The following MAGI1 variants were observed in gnomAD, a reference collection of about 807,000 sequenced individuals.
MAGI1 encodes the protein membrane associated guanylate kinase, WW and PDZ domain containing 1.
MAGI1 carries 58 observed loss-of-function variants against 139.9 expected under a neutral mutation model. The observed-to-expected ratio is 0.41, with a 90% CI of 0.34 to 0.52. The LOEUF (loss-of-function observed/expected upper bound fraction) is 0.52. Among genes scored for constraint, MAGI1 ranks in the 20% least tolerant of loss-of-function variants. The probability of loss-of-function intolerance (pLI) is 0.12; values close to 1 mark genes in which losing one functional copy is unlikely to be tolerated. For missense variants in MAGI1, 1,874 were observed against 1,901.6 expected, an observed-to-expected ratio of 0.99 and a Z score of 0.27; for synonymous variants, 812 against 737.9, an observed-to-expected ratio of 1.10 and a Z score of -1.63.
Position 65,661,585 on chromosome 3 carries a change from G to A in MAGI1, c.314-39497C>T, listed in dbSNP as rs149926241. On this transcript the variant is annotated intron_variant, in intron 1 of 22. Coordinates refer to ENST00000402939, the MANE Select transcript of MAGI1 (RefSeq NM_001033057.2). The stretch of plus-strand genomic sequence containing the variant: ...AGACACCTTGAGCAAGCCACTTCTT[G>A]TTTCTAAGCCTCAGTTTCCTCATTT... 1.9e-4 allele frequency among the ~76,000 whole-genome samples: 29 copies of A among 152,156 alleles called. No individual in the cohort carries two copies. In the East Asian group the frequency reaches 5.4e-3, roughly 28 times the overall value.
At chr3:65,473,128 G>A (rs191986879) in intron 4 of MAGI1, among the ~76,000 whole-genome samples, 61 of 152,302 alleles carry the variant, frequency 4.0e-4, no homozygotes, top group African/African-American at 1.5e-3. Context: ...GTGAGCCATA[G>A]TAGGTAGTTG....
chr3:65,456,686 A>G (rs569521740), intron 5 of MAGI1, among the ~76,000 whole-genome samples: 155 of 152,098 alleles, frequency 1.0e-3, no homozygotes, highest in Middle Eastern at 3.4e-3. Context: ...TTTGGGGTTA[A>G]TTTTTTGGTA....
chr3:65,733,018 G>T (rs1488740464), intron 1 of MAGI1, among the ~76,000 whole-genome samples: 1 of 152,066 alleles, frequency 6.6e-6, no homozygotes, highest in Non-Finnish European at 1.5e-5. Context: ...AGGGTTCCAA[G>T]ATCACTTGTT....
At chr3:65,473,070 TG>T (rs1196515671) in intron 4 of MAGI1, among the ~76,000 whole-genome samples, 1 of 152,048 alleles carries the variant, frequency 6.6e-6, no homozygotes, top group Non-Finnish European at 1.5e-5. Context: ...CACGGGGTTG[TG>T]GGGAGGATTA....
At chr3:65,824,826 T>C (rs190116426) in intron 1 of MAGI1, among the ~76,000 whole-genome samples, 1 of 152,348 alleles carries the variant, frequency 6.6e-6, no homozygotes, top group Admixed American at 6.5e-5. Flanking sequence ...AATATCTCTT[T>C]ACTGAAAAAT....
chr3:65,379,197 G>C, intron 17 of MAGI1, 64 bp downstream of exon 17: 1 of 1,602,808 alleles, frequency 6.2e-7, no homozygotes, highest in Non-Finnish European at 8.5e-7. Flanking sequence ...GCTTTCACTC[G>C]CAAGAGAACA....
chr3:65,620,091 A>G (rs2083586523), intron 2 of MAGI1: 1 of 564,600 alleles, frequency 1.8e-6, no homozygotes, highest in African/African-American at 2.0e-5. Flanking sequence ...TAAATGGGAG[A>G]GCATGCCAAA....
intron 4 of MAGI1, among the ~76,000 whole-genome samples, chr3:65,473,931 G>C (rs1377850334): frequency 7.2e-5 from 11 of 152,164 alleles, no homozygotes; most frequent in Non-Finnish European, 1.5e-5. Flanking sequence ...AGAATTCACA[G>C]CCTTAGTCAT....
chr3:65,697,404 A>T (rs1300549017), intron 1 of MAGI1, among the ~76,000 whole-genome samples: 2 of 147,904 alleles, frequency 1.4e-5, no homozygotes, highest in African/African-American at 2.5e-5. Context: ...TACCAAAGCC[A>T]GGCAGAGACA....
intron 1 of MAGI1, among the ~76,000 whole-genome samples, chr3:65,718,119 G>A (rs1030507462): frequency 6.6e-6 from 1 of 152,108 alleles, no homozygotes; most frequent in African/African-American, 2.4e-5. Flanking sequence ...TCCTGATAAG[G>A]TGTTCTACAA....
chr3:65,991,008 G>C (rs11131043), intron 1 of MAGI1, among the ~76,000 whole-genome samples: 1 of 151,814 alleles, frequency 6.6e-6, no homozygotes, highest in Non-Finnish European at 1.5e-5. Flanking sequence ...AGTAAATGAG[G>C]CTGGGCACGG....
At chr3:65,835,311 G>A (rs956968921) in intron 1 of MAGI1, among the ~76,000 whole-genome samples, 1 of 152,020 alleles carries the variant, frequency 6.6e-6, no homozygotes, top group East Asian at 1.9e-4. Flanking sequence ...TTCACATCAA[G>A]GAAACAAGAA....
At chr3:65,437,108 G>C in intron 10 of MAGI1, 47 bp downstream of exon 10, 1 of 1,344,674 alleles carries the variant, frequency 7.4e-7, no homozygotes, top group Non-Finnish European at 1.0e-6. Flanking sequence ...AAAAAAATTA[G>C]ATTTTGAGCT....
At chr3:65,777,482 C>T (rs949169587) in intron 1 of MAGI1, among the ~76,000 whole-genome samples, 1 of 151,754 alleles carries the variant, frequency 6.6e-6, no homozygotes. Flanking sequence ...GACTTGAAAA[C>T]CGTGCTCATG....
intron 1 of MAGI1, among the ~76,000 whole-genome samples, chr3:66,032,370 C>T (rs1236174876): frequency 1.4e-5 from 2 of 141,330 alleles, no homozygotes; most frequent in Admixed American, 1.5e-4. Flanking sequence ...ACCACCACGC[C>T]CGGCTAATTT....
chr3:65,384,390 T>A (rs2106924403), intron 14 of MAGI1, among the ~76,000 whole-genome samples: 1 of 152,328 alleles, frequency 6.6e-6, no homozygotes, highest in African/African-American at 2.4e-5. Flanking sequence ...GTATCACAAC[T>A]ATTTACATGG....
chr3:65,749,695 A>G (rs958877846), intron 1 of MAGI1, among the ~76,000 whole-genome samples: 7 of 144,926 alleles, frequency 4.8e-5, no homozygotes, highest in Non-Finnish European at 9.0e-5. Flanking sequence ...ATATAAAACC[A>G]GGTCTAGTCT....
At chr3:65,761,499 C>T (rs9824254) in intron 1 of MAGI1, among the ~76,000 whole-genome samples, 3,009 of 152,258 alleles carry the variant, frequency 0.02, 94 homozygotes, top group African/African-American at 0.068. Context: ...CCATTTCCTA[C>T]AGTAATTACA....
chr3:65,538,216 T>C (rs1376031254), intron 2 of MAGI1, among the ~76,000 whole-genome samples: 3 of 152,134 alleles, frequency 2.0e-5, no homozygotes, highest in Non-Finnish European at 2.9e-5. Context: ...AACTTATAGG[T>C]TGGAGTATAA....
Sources: gnomAD v4.1 joint callset for allele counts (sites outside exome capture counted in the v4.1 genomes callset) on GRCh38, gnomAD v4.1.1 for gene constraint, MANE v1.5 for transcripts, NCBI Gene and HGNC (gene_info 2026-07-23, HGNC 2026-07-21) for gene names.